The following ABTB3 variants were observed in gnomAD, a reference collection of about 807,000 sequenced individuals.
The protein encoded by ABTB3 is ankyrin repeat and BTB domain containing 3.
the ABTB3 span, among the ~76,000 whole-genome samples, chr12:107,462,143 A>C: frequency 6.6e-6 from 1 of 152,196 alleles, no homozygotes; most frequent in Non-Finnish European, 1.5e-5. Flanking sequence ...CATCCTGGAA[A>C]TCTTCCTCAT....
At chr12:107,425,048 C>A in the ABTB3 span, among the ~76,000 whole-genome samples, 2 of 152,156 alleles carry the variant, frequency 1.3e-5, no homozygotes, top group African/African-American at 2.4e-5. Context: ...TCATCTCACA[C>A]CCTCGATTGC....
the ABTB3 span, among the ~76,000 whole-genome samples, chr12:107,647,117 C>T: frequency 1.3e-5 from 2 of 152,214 alleles, no homozygotes; most frequent in Admixed American, 6.5e-5. Flanking sequence ...ATCACTTGAG[C>T]TCAAGAGTTC....
chr12:107,610,018 T>A, the ABTB3 span: 1 of 725,138 alleles, frequency 1.4e-6, no homozygotes, highest in Non-Finnish European at 2.3e-6. Flanking sequence ...ACAGCAGTCA[T>A]AAAGGACAAA....
chr12:107,500,584 C>G, the ABTB3 span, among the ~76,000 whole-genome samples: 1 of 152,188 alleles, frequency 6.6e-6, no homozygotes, highest in African/African-American at 2.4e-5. Flanking sequence ...CCGGTTACCC[C>G]CCACTCTCAA....
chr12:107,431,982 G>A, the ABTB3 span, among the ~76,000 whole-genome samples: 5 of 152,300 alleles, frequency 3.3e-5, no homozygotes, highest in African/African-American at 1.2e-4. Context: ...TAAGGGGAGG[G>A]TGTTAAGTAA....
the ABTB3 span, among the ~76,000 whole-genome samples, chr12:107,320,802 C>A: frequency 6.6e-6 from 1 of 152,136 alleles, no homozygotes; most frequent in Admixed American, 6.5e-5. Flanking sequence ...CAGGGAGCTG[C>A]AGCTCTCACC....
chr12:107,616,672 C>A, the ABTB3 span, among the ~76,000 whole-genome samples: 1 of 152,208 alleles, frequency 6.6e-6, no homozygotes, highest in South Asian at 2.1e-4. Context: ...TACCCTAGTG[C>A]CCTCTGAGGC....
chr12:107,383,636 C>T, the ABTB3 span, among the ~76,000 whole-genome samples: 11 of 152,282 alleles, frequency 7.2e-5, no homozygotes, highest in South Asian at 2.1e-4. Context: ...AGGGGACAGG[C>T]GCCTGTTCTC....
At chr12:107,555,571 CG>C in the ABTB3 span, among the ~76,000 whole-genome samples, 52 of 152,030 alleles carry the variant, frequency 3.4e-4, no homozygotes, top group Non-Finnish European at 5.1e-4. Context: ...CATGGGAAAA[CG>C]GAAAAAAAAT....
the ABTB3 span, among the ~76,000 whole-genome samples, chr12:107,354,769 T>A: frequency 2.4e-4 from 37 of 152,308 alleles, no homozygotes; most frequent in Non-Finnish European, 4.1e-4. Flanking sequence ...CTTGTTATTA[T>A]CTGTATTTTT....
the ABTB3 span, among the ~76,000 whole-genome samples, chr12:107,622,092 A>AC: frequency 4.6e-5 from 7 of 151,992 alleles, no homozygotes; most frequent in African/African-American, 1.5e-4. Flanking sequence ...AATACAAAAA[A>AC]ATAGCTGGGC....
the ABTB3 span, chr12:107,649,288 TGTG>T: frequency 6.2e-7 from 1 of 1,610,002 alleles, no homozygotes. Flanking sequence ...AGGGATCCAT[TGTG>T]GTGTTGGCTA....
chr12:107,617,373 G>A, the ABTB3 span: 1 of 1,614,178 alleles, frequency 6.2e-7, no homozygotes, highest in African/African-American at 1.3e-5. Context: ...TACAGGAATG[G>A]AATTTCTACA....
the ABTB3 span, among the ~76,000 whole-genome samples, chr12:107,537,019 T>A: frequency 6.6e-6 from 1 of 152,168 alleles, no homozygotes; most frequent in Non-Finnish European, 1.5e-5. Flanking sequence ...AAAATGTGTA[T>A]ATTTATACAA....
chr12:107,642,826 G>C, the ABTB3 span, among the ~76,000 whole-genome samples: 1 of 152,118 alleles, frequency 6.6e-6, no homozygotes, highest in Non-Finnish European at 1.5e-5. Context: ...CTTCTGTTTG[G>C]GGGGAGTTCA....
At chr12:107,419,647 A>G in the ABTB3 span, among the ~76,000 whole-genome samples, 1 of 152,168 alleles carries the variant, frequency 6.6e-6, no homozygotes, top group Non-Finnish European at 1.5e-5. Context: ...CTTCTCACCT[A>G]TAAAATAATG....
chr12:107,364,821 TTGC>T, the ABTB3 span, among the ~76,000 whole-genome samples: 1 of 152,182 alleles, frequency 6.6e-6, no homozygotes, highest in South Asian at 2.1e-4. Flanking sequence ...CAAGCTATTG[TTGC>T]TGAAGGCTGG....
the ABTB3 span, among the ~76,000 whole-genome samples, chr12:107,495,846 A>G: frequency 6.6e-6 from 1 of 152,186 alleles, no homozygotes; most frequent in Non-Finnish European, 1.5e-5. Flanking sequence ...GTATGATAAG[A>G]GTAACTACCC....
the ABTB3 span, among the ~76,000 whole-genome samples, chr12:107,559,350 G>T: frequency 6.6e-6 from 1 of 152,080 alleles, no homozygotes; most frequent in South Asian, 2.1e-4. Flanking sequence ...CCCCGTGTGT[G>T]CTGTGTGTCT....
Sources: gnomAD v4.1 joint callset for allele counts (sites outside exome capture counted in the v4.1 genomes callset) on GRCh38, gnomAD v4.1.1 for gene constraint, MANE v1.5 for transcripts, NCBI Gene and HGNC (gene_info 2026-07-23, HGNC 2026-07-21) for gene names.